TENM2: variants seen among roughly 807,000 people sequenced by gnomAD.
TENM2 encodes the protein teneurin transmembrane protein 2, also known as teneurin-2.
Under a neutral mutation model 245.2 loss-of-function variants are expected in TENM2, and 52 were observed. That is an observed-to-expected ratio of 0.21 (90% CI 0.17 to 0.27). The LOEUF is 0.27. TENM2 is among the 10% of genes least tolerant of loss of function. The pLI is 1.00. For missense variants in TENM2, 3,046 were observed against 3,666.8 expected, an observed-to-expected ratio of 0.83 and a Z score of 4.37; for synonymous variants, 1,363 against 1,438.9, an observed-to-expected ratio of 0.95 and a Z score of 1.19.
At chr5:167,513,177 T>C (rs1180251381) in intron 2 of TENM2, among the ~76,000 whole-genome samples, 1 of 152,132 alleles carries the variant, frequency 6.6e-6, no homozygotes. Flanking sequence ...GGAATAATGG[T>C]TTACTTTGAG....
intron 13 of TENM2, among the ~76,000 whole-genome samples, chr5:168,174,997 A>G (rs1392402965): frequency 1.3e-5 from 2 of 152,182 alleles, no homozygotes; most frequent in Non-Finnish European, 2.9e-5. Context: ...CCCACTTAGG[A>G]CAGGTGGTGC....
intron 2 of TENM2, among the ~76,000 whole-genome samples, chr5:167,802,461 C>T (rs12657312): frequency 0.015 from 2,307 of 152,226 alleles, 52 homozygotes; most frequent in East Asian, 0.1. Context: ...AATAACCCTG[C>T]TAAGAGCCTA....
chr5:167,777,863 G>A (rs1200642648), intron 2 of TENM2, among the ~76,000 whole-genome samples: 3 of 152,184 alleles, frequency 2.0e-5, no homozygotes, highest in Non-Finnish European at 2.9e-5. Context: ...TTAAGTAACA[G>A]CATGTGTGTG....
chr5:167,547,607 G>T (rs897167597), intron 2 of TENM2, among the ~76,000 whole-genome samples: 2 of 152,168 alleles, frequency 1.3e-5, no homozygotes, highest in East Asian at 3.9e-4. Flanking sequence ...AGACAGTGGA[G>T]CTACCCGGGG....
At chr5:167,716,052 C>T (rs1437659596) in intron 2 of TENM2, among the ~76,000 whole-genome samples, 5 of 152,082 alleles carry the variant, frequency 3.3e-5, no homozygotes, top group South Asian at 4.1e-4. Context: ...TTGCACAGAC[C>T]CACAGGCGTC....
intron 2 of TENM2, among the ~76,000 whole-genome samples, chr5:167,524,738 C>T (rs1283503703): frequency 3.3e-5 from 5 of 151,822 alleles, no homozygotes; most frequent in African/African-American, 1.2e-4. Flanking sequence ...ATCAAAGTCA[C>T]TGATGGTGGG....
chr5:167,539,615 G>A lies in TENM2; in HGVS notation c.502+164142G>A, dbSNP rs886704243. Among the ~76,000 whole-genome samples, 10 of 152,092 alleles carry A rather than the reference G, an allele frequency of 6.6e-5. No individual in the cohort carries two copies. The East Asian group carries it at 1.9e-3, about 29-fold the overall frequency. On this transcript the variant is annotated intron_variant, in intron 2 of 28. Coordinates refer to ENST00000518659, the Ensembl canonical transcript of TENM2. ...TTCTCTTACGGGAAGATGAGACCTAGGTTTAAAAAGTAGGACTGGTTGATC... is the reference window on the plus strand; with the variant it reads ...TTCTCTTACGGGAAGATGAGACCTAAGTTTAAAAAGTAGGACTGGTTGATC...
the TENM2 span, among the ~76,000 whole-genome samples, chr5:167,169,530 T>C: frequency 2.6e-5 from 4 of 152,144 alleles, no homozygotes; most frequent in Non-Finnish European, 1.5e-5. Flanking sequence ...TGTAAAATAA[T>C]CAGGGCAGTA....
intron 2 of TENM2, among the ~76,000 whole-genome samples, chr5:167,725,712 T>G (rs1470269082): frequency 1.3e-5 from 2 of 152,192 alleles, no homozygotes; most frequent in Admixed American, 6.5e-5. Context: ...TTAGGGGTTC[T>G]TAGCTTTTAT....
the TENM2 span, among the ~76,000 whole-genome samples, chr5:167,149,379 C>T: frequency 6.6e-6 from 1 of 152,080 alleles, no homozygotes; most frequent in Non-Finnish European, 1.5e-5. Flanking sequence ...GGAAAATGCA[C>T]ACATTAACAA....
At chr5:167,265,096 G>A in the TENM2 span, among the ~76,000 whole-genome samples, 2 of 152,024 alleles carry the variant, frequency 1.3e-5, no homozygotes, top group African/African-American at 4.8e-5. Flanking sequence ...GGGAGACCGA[G>A]GCGAGTGGAT....
intron 2 of TENM2, among the ~76,000 whole-genome samples, chr5:167,769,920 C>A (rs1368115997): frequency 1.3e-5 from 2 of 151,930 alleles, no homozygotes; most frequent in African/African-American, 4.8e-5. Context: ...TTTTTTTTTC[C>A]CCAGTAAAGA....
rs1349088037 is a variant in TENM2, at chr5:167,993,058, G to T, written c.1062G>T (p.Arg354Ser). 6.2e-7 allele frequency: 1 copy of T among 1,614,010 alleles called. No homozygotes were observed. The highest frequency in any genetic ancestry group is 1.1e-5 in the South Asian group (1 of 91,084). ...CGCCCCCGCCCCGCCTGCTGCCCAG[G>T]AATACTTTCTCCAGGAAGGCTTTCA... The change falls in exon 5 of 29, where the codon AGG (arginine) becomes AGT (serine). Residue 354 changes from arginine to serine, a missense_variant. Arg to Ser is a moderately radical substitution (Grantham distance 110, BLOSUM62 -1). Around this residue, in one of 2 missense-constraint regions of TENM2, gnomAD observed 2,704 missense variants for 3,331.9 expected, o/e 0.81. Coordinates refer to ENST00000518659, the Ensembl canonical transcript of TENM2.
chr5:168,248,587 T>G (rs1379485835), intron 27 of TENM2, among the ~76,000 whole-genome samples: 1 of 152,186 alleles, frequency 6.6e-6, no homozygotes, highest in Non-Finnish European at 1.5e-5. Flanking sequence ...CCAACCACTT[T>G]CATGTCCAGT....
chr5:167,292,313 G>GT (rs2127721208), intron 1 of TENM2, among the ~76,000 whole-genome samples: 1 of 152,226 alleles, frequency 6.6e-6, no homozygotes, highest in South Asian at 2.1e-4. Flanking sequence ...CTCAAAATTT[G>GT]TTTCCGTTTT....
chr5:167,320,608 C>T (rs1756654235), intron 1 of TENM2, among the ~76,000 whole-genome samples: 1 of 152,264 alleles, frequency 6.6e-6, no homozygotes, highest in East Asian at 1.9e-4. Flanking sequence ...GTCATGAGAG[C>T]TCTGCCTTGA....
At chr5:167,370,430 G>T (rs115260004) in intron 1 of TENM2, among the ~76,000 whole-genome samples, 1 of 149,738 alleles carries the variant, frequency 6.7e-6, no homozygotes, top group Non-Finnish European at 1.5e-5. Context: ...ACAATTTAAC[G>T]TCCAAGATAT....
chr5:167,007,905 G>C, the TENM2 span, among the ~76,000 whole-genome samples: 4 of 152,096 alleles, frequency 2.6e-5, no homozygotes, highest in African/African-American at 9.7e-5. This position sits in a 1 kb window ranked among gnomAD's most constrained non-coding sequence, Gnocchi z 4.2. Flanking sequence ...TGGAACAAAA[G>C]ACTAACAGGT....
intron 1 of TENM2, among the ~76,000 whole-genome samples, chr5:167,301,876 A>G (rs1755348406): frequency 1.3e-5 from 2 of 152,116 alleles, no homozygotes; most frequent in Admixed American, 6.6e-5. Flanking sequence ...TGTAAGCCGG[A>G]CCGGGTGTGA....
Sources: gnomAD v4.1 joint callset for allele counts (sites outside exome capture counted in the v4.1 genomes callset) on GRCh38, gnomAD v4.1.1 for gene constraint, gnomAD v4.1.1 regional missense constraint, Gnocchi (gnomAD v3.1) non-coding constraint, MANE v1.5 for transcripts, NCBI Gene and HGNC (gene_info 2026-07-23, HGNC 2026-07-21) for gene names.